The following KIAA1217 variants were observed in gnomAD, a reference collection of about 807,000 sequenced individuals.
The protein encoded by KIAA1217 is sickle tail protein homolog.
Under a neutral mutation model 163.9 loss-of-function variants are expected in KIAA1217, and 88 were observed. The ratio of observed to expected loss-of-function variants is 0.54; its 90% confidence interval spans 0.45 to 0.64. The LOEUF (loss-of-function observed/expected upper bound fraction) is 0.64, where lower values mean the gene tolerates loss of function less well. Among genes scored for constraint, KIAA1217 ranks in the 30% least tolerant of loss-of-function variants. The pLI is 0.00. For synonymous variants in KIAA1217, 903 were observed against 923.1 expected (o/e 0.98, Z 0.39); for missense variants, 2,372 against 2,475.0 (o/e 0.96, Z 0.88).
At chr10:24,350,913 C>T (rs566626849) in intron 2 of KIAA1217, among the ~76,000 whole-genome samples, 2 of 150,280 alleles carry the variant, frequency 1.3e-5, no homozygotes, top group Non-Finnish European at 3.0e-5. Context: ...TCATGTATTT[C>T]AACAGTTTTT....
intron 1 of KIAA1217, among the ~76,000 whole-genome samples, chr10:23,812,404 T>C (rs1481275700): frequency 6.6e-6 from 1 of 152,212 alleles, no homozygotes; most frequent in Non-Finnish European, 1.5e-5. Context: ...TTATTTGGTA[T>C]CTTTGATTGT....
chr10:24,206,131 A>G (rs1391343808), upstream of KIAA1217, among the ~76,000 whole-genome samples: 1 of 152,318 alleles, frequency 6.6e-6, no homozygotes, highest in East Asian at 1.9e-4. Context: ...TTCCCTGTTA[A>G]CAGAAACGGA....
At chr10:24,322,466 G>GCAGGGAAGCAC (rs1157398069) in intron 2 of KIAA1217, among the ~76,000 whole-genome samples, 1 of 152,122 alleles carries the variant, frequency 6.6e-6, no homozygotes, top group Non-Finnish European at 1.5e-5. Flanking sequence ...GTTGGGAGGA[G>GCAGGGAAGCAC]CAGGGAAGCA....
chr10:23,946,284 A>T (rs1277155863), intron 1 of KIAA1217, among the ~76,000 whole-genome samples: 1 of 150,340 alleles, frequency 6.7e-6, no homozygotes, highest in East Asian at 1.9e-4. Context: ...AAAAAAAAAA[A>T]GTAAAGGAGC....
intron 2 of KIAA1217, among the ~76,000 whole-genome samples, chr10:24,365,011 G>C (rs1295630986): frequency 6.6e-6 from 1 of 151,866 alleles, no homozygotes; most frequent in Non-Finnish European, 1.5e-5. Context: ...CCCTATGTTG[G>C]CCAGGCTGGT....
chr10:24,236,436 G>C (rs547106923), intron 2 of KIAA1217, among the ~76,000 whole-genome samples: 1 of 152,010 alleles, frequency 6.6e-6, no homozygotes, highest in South Asian at 2.1e-4. Context: ...TATTTAGTAG[G>C]TTTCACCATG....
intron 10 of KIAA1217, among the ~76,000 whole-genome samples, chr10:24,514,368 G>A (rs183819448): frequency 1.4e-4 from 21 of 152,270 alleles, no homozygotes; most frequent in African/African-American, 3.9e-4. Flanking sequence ...AAAGCATTGT[G>A]CTCAGTCACC....
intron 1 of KIAA1217, among the ~76,000 whole-genome samples, chr10:23,819,974 T>C (rs1366551849): frequency 1.3e-5 from 2 of 152,226 alleles, no homozygotes; most frequent in Non-Finnish European, 2.9e-5. Flanking sequence ...TGATAGTGCC[T>C]ATTTCTTTTT....
At chr10:24,315,931 G>GGC (rs1554811331) in intron 2 of KIAA1217, among the ~76,000 whole-genome samples, 4 of 66,832 alleles carry the variant, frequency 6.0e-5, no homozygotes, top group African/African-American at 2.4e-4. Flanking sequence ...TTATCTAATG[G>GGC]GGGGGGGGAA....
intron 2 of KIAA1217, among the ~76,000 whole-genome samples, chr10:24,261,114 C>G (rs902660204): frequency 1.3e-5 from 2 of 151,664 alleles, no homozygotes; most frequent in African/African-American, 4.9e-5. Context: ...ATACATATGT[C>G]CTTCTCCAAA....
Position 24,546,362 on chromosome 10 carries a change from TA to T in KIAA1217, c.*46del, listed in dbSNP as rs759021216. On this transcript the variant is annotated 3_prime_UTR_variant, in exon 21 of 21. Coordinates refer to ENST00000376454, the MANE Select transcript of KIAA1217 (RefSeq NM_019590.5). Reference sequence around the variant, plus strand: ...ATTAGGCACAAGTCGGAGTTACATTTAAAAAAAATTAACAGTCTACAACAAC... The same window carrying T: ...ATTAGGCACAAGTCGGAGTTACATTTAAAAAAATTAACAGTCTACAACAAC... The T allele has an allele frequency of 7.9e-6, 12 of 1,527,658 alleles. No homozygotes were observed. The highest frequency in any genetic ancestry group is 2.2e-5 in the Admixed American group (1 of 45,272). The allele number at this position is 1,527,658 out of a possible 1,614,324, so 94.6% of individuals were successfully genotyped here.
chr10:24,348,444 A>G (rs1354458125), intron 2 of KIAA1217, among the ~76,000 whole-genome samples: 1 of 152,238 alleles, frequency 6.6e-6, no homozygotes, highest in Non-Finnish European at 1.5e-5. Context: ...ATACAACTAT[A>G]TATTAAATGG....
chr10:23,758,686 C>CTTTTTTTT (rs34055872), intron 1 of KIAA1217, among the ~76,000 whole-genome samples: 13 of 59,840 alleles, frequency 2.2e-4, no homozygotes, highest in Non-Finnish European at 3.8e-4. Context: ...TTCTTTCTTT[C>CTTTTTTTT]TTTTTTTTTT....
intron 3 of KIAA1217, among the ~76,000 whole-genome samples, chr10:24,382,032 G>A (rs879347844): frequency 8.4e-6 from 1 of 119,188 alleles, no homozygotes; most frequent in Non-Finnish European, 1.8e-5. Flanking sequence ...TTTTTTTTTT[G>A]TATTGGAAGT....
In KIAA1217 at chr10:24,147,686, A is replaced by G. The variant is rs539083710; in HGVS notation, c.-170-71940A>G. Among the ~76,000 whole-genome samples the G allele has an allele frequency of 2.8e-4, 43 of 151,926 alleles. 1 individual carries two copies. The highest frequency in any genetic ancestry group is 3.4e-3 in the Middle Eastern group (1 of 292). ...GACGAAATCCAGTCTCCATTAAATT[A>G]GCCAGGTGTGGTGGCACGTGCCTGT... On this transcript the variant is annotated intron_variant, in intron 2 of 18. Coordinates refer to the KIAA1217 transcript ENST00000376462.
chr10:23,743,320 A>T (rs1243361056), intron 1 of KIAA1217, among the ~76,000 whole-genome samples: 1 of 151,970 alleles, frequency 6.6e-6, no homozygotes, highest in Non-Finnish European at 1.5e-5. Flanking sequence ...TATTTCCATG[A>T]TTAGCCTGGT....
chr10:23,715,322 T>C (rs1837498556), intron 1 of KIAA1217, among the ~76,000 whole-genome samples: 1 of 152,170 alleles, frequency 6.6e-6, no homozygotes, highest in Non-Finnish European at 1.5e-5. Context: ...TTTTATCCCT[T>C]TGGTGTTTAG....
chr10:24,158,681 C>T lies in KIAA1217; in HGVS notation c.-170-60945C>T, dbSNP rs960092996. On this transcript the variant is annotated intron_variant, in intron 2 of 18. Coordinates refer to the KIAA1217 transcript ENST00000376462. The stretch of plus-strand genomic sequence containing the variant: ...CCTGAAAGTACTCCTAGGATTTCTG[C>T]CATGAGACCTCTTGCTACAGCATAC... 3.7e-5 allele frequency: 19 copies of T among 508,444 alleles called. No homozygotes were observed. In the Admixed American group the frequency reaches 4.4e-4, roughly 12 times the overall value. The allele number at this position is 508,444 out of a possible 1,614,324, so 31.5% of individuals were successfully genotyped here. A position where few individuals can be genotyped will look rare whatever the true frequency, so the allele number is the denominator to read the frequency against.
chr10:23,879,651 T>A (rs1364833826), intron 1 of KIAA1217, among the ~76,000 whole-genome samples: 1 of 151,918 alleles, frequency 6.6e-6, no homozygotes, highest in Non-Finnish European at 1.5e-5. Flanking sequence ...AAAGACAGAT[T>A]GGAACCAGTC....
Sources: allele counts gnomAD v4.1 joint callset (sites outside exome capture counted in the v4.1 genomes callset), GRCh38; gene constraint gnomAD v4.1.1; transcripts MANE v1.5; gene names NCBI Gene and HGNC (gene_info 2026-07-23, HGNC 2026-07-21).